The following CNTNAP5 variants were observed in gnomAD, a reference collection of about 807,000 sequenced individuals.
The protein encoded by CNTNAP5 is contactin-associated protein-like 5.
CNTNAP5 carries 72 observed loss-of-function variants against 150.2 expected under a neutral mutation model. The observed-to-expected ratio is 0.48, with a 90% CI of 0.40 to 0.58. The LOEUF (loss-of-function observed/expected upper bound fraction) is 0.58, where lower values mean the gene tolerates loss of function less well. CNTNAP5 is among the 20% of genes least tolerant of loss of function. The pLI is 0.00. For synonymous variants in CNTNAP5, 672 were observed against 619.8 expected (o/e 1.08, Z -1.25); for missense variants, 1,636 against 1,626.2 (o/e 1.01, Z -0.10).
intron 11 of CNTNAP5, among the ~76,000 whole-genome samples, chr2:124,601,731 C>T (rs1696990002): frequency 6.6e-6 from 1 of 152,082 alleles, no homozygotes; most frequent in Non-Finnish European, 1.5e-5. Context: ...AATACTACAA[C>T]TGAAATAGCT....
At chr2:124,350,736 G>GGTTATATATTT (rs1689857742) in intron 3 of CNTNAP5, among the ~76,000 whole-genome samples, 2 of 151,932 alleles carry the variant, frequency 1.3e-5, no homozygotes, top group South Asian at 4.2e-4. Flanking sequence ...GTATATGTAA[G>GGTTATATATTT]GTTATATATT....
chr2:124,395,201 T>C (rs1691215338), intron 3 of CNTNAP5, among the ~76,000 whole-genome samples: 1 of 152,090 alleles, frequency 6.6e-6, no homozygotes, highest in African/African-American at 2.4e-5. Flanking sequence ...ATAGTTATAA[T>C]ACAAAATAGA....
chr2:124,770,130 G>C (rs967840666), intron 16 of CNTNAP5, among the ~76,000 whole-genome samples: 1 of 152,256 alleles, frequency 6.6e-6, no homozygotes, highest in African/African-American at 2.4e-5. Flanking sequence ...GTATAAAACT[G>C]TAAAGGTATA....
chr2:124,191,067 C>T (rs935379243), intron 1 of CNTNAP5, among the ~76,000 whole-genome samples: 1 of 152,070 alleles, frequency 6.6e-6, no homozygotes, highest in African/African-American at 2.4e-5. Context: ...TAAATATATA[C>T]CTATGTTTTC....
At chr2:124,671,940 A>C (rs960696648) in intron 13 of CNTNAP5, among the ~76,000 whole-genome samples, 7 of 152,156 alleles carry the variant, frequency 4.6e-5, no homozygotes, top group Admixed American at 3.9e-4. Context: ...ATACCTCGCC[A>C]AGACTCTTTT....
intron 1 of CNTNAP5, among the ~76,000 whole-genome samples, chr2:124,053,343 C>T (rs189736045): frequency 3.0e-4 from 41 of 136,510 alleles, no homozygotes; most frequent in African/African-American, 1.0e-3. Flanking sequence ...ATTTGTTCTG[C>T]TTCCTTTTTC....
chr2:124,532,882 G>C (rs1416653960), intron 10 of CNTNAP5, among the ~76,000 whole-genome samples: 3 of 152,178 alleles, frequency 2.0e-5, no homozygotes, highest in Admixed American at 2.0e-4. Flanking sequence ...AATGTTCACT[G>C]TGTTAATTCC....
intron 3 of CNTNAP5, among the ~76,000 whole-genome samples, chr2:124,386,904 T>C (rs532857722): frequency 6.6e-6 from 1 of 152,128 alleles, no homozygotes; most frequent in South Asian, 2.1e-4. Context: ...CATTAAGTCA[T>C]AAGAGTGGAG....
At chr2:124,811,920 C>T (rs1214524408) in intron 19 of CNTNAP5, among the ~76,000 whole-genome samples, 1 of 132,536 alleles carries the variant, frequency 7.5e-6, no homozygotes, top group African/African-American at 2.9e-5. Flanking sequence ...CCAGCCTGGG[C>T]AAAAAGACCA....
At chr2:124,411,310 C>A (rs1251908744) in intron 3 of CNTNAP5, among the ~76,000 whole-genome samples, 2 of 152,108 alleles carry the variant, frequency 1.3e-5, no homozygotes, top group African/African-American at 4.8e-5. Context: ...CAAGGAGGAA[C>A]TGGTACCATT....
At chr2:124,069,050 T>G (rs1310936474) in intron 1 of CNTNAP5, among the ~76,000 whole-genome samples, 2 of 152,056 alleles carry the variant, frequency 1.3e-5, no homozygotes, top group Non-Finnish European at 2.9e-5. Context: ...GGTACCCAAG[T>G]CCAGGCCTAG....
intron 1 of CNTNAP5, among the ~76,000 whole-genome samples, chr2:124,026,403 T>G (rs10196297): frequency 0.018 from 2,707 of 152,290 alleles, 80 homozygotes; most frequent in African/African-American, 0.06. Flanking sequence ...GAGTATGCAC[T>G]AAGTGTACAC....
chr2:124,276,684 A>C (rs1687890470), intron 3 of CNTNAP5, among the ~76,000 whole-genome samples: 1 of 152,220 alleles, frequency 6.6e-6, no homozygotes, highest in South Asian at 2.1e-4. Context: ...TCATCTATAA[A>C]TCCTTTAACA....
In CNTNAP5 at chr2:124,601,747, C is replaced by T. The variant is rs181400807; in HGVS notation, c.1757-8054C>T. 1.2e-4 allele frequency among the ~76,000 whole-genome samples: 19 copies of T among 152,228 alleles called. No individual in the cohort carries two copies. In the East Asian group the frequency reaches 2.5e-3, roughly 20 times the overall value. ...ATACTACAACTGAAATAGCTTAAAA[C>T]GGAAACAACCCAAATGTTCTTCAGT... On this transcript the variant is annotated intron_variant, in intron 11 of 23. Coordinates refer to ENST00000682447, the MANE Select transcript of CNTNAP5 (RefSeq NM_001367498.1).
intron 13 of CNTNAP5, among the ~76,000 whole-genome samples, chr2:124,731,312 A>C (rs1309191709): frequency 6.6e-6 from 1 of 152,080 alleles, no homozygotes; most frequent in South Asian, 2.1e-4. Flanking sequence ...GTATTTATTT[A>C]AAAGGTTCTT....
In CNTNAP5 at chr2:124,223,590, C is replaced by T. The variant is rs552480006; in HGVS notation, c.187+1781C>T. Among the ~76,000 whole-genome samples the T allele has an allele frequency of 3.9e-5, 6 of 151,954 alleles. No individual in the cohort carries two copies. In the South Asian group the frequency reaches 1.0e-3, roughly 26 times the overall value. ...CCAGAGAAAGGAGTTGTCTCGATCC[C>T]ACCCAAATTGTGCAGCAGCAGAAAG... On this transcript the variant is annotated intron_variant, in intron 2 of 23. Coordinates refer to ENST00000682447, the MANE Select transcript of CNTNAP5 (RefSeq NM_001367498.1).
chr2:124,617,600 G>T (rs1232439259), intron 12 of CNTNAP5, among the ~76,000 whole-genome samples: 2 of 152,070 alleles, frequency 1.3e-5, no homozygotes, highest in Non-Finnish European at 2.9e-5. Flanking sequence ...CACCCTAATG[G>T]AGTGTGACTT....
intron 17 of CNTNAP5, among the ~76,000 whole-genome samples, chr2:124,786,175 T>C (rs986183256): frequency 3.3e-5 from 5 of 151,470 alleles, no homozygotes; most frequent in African/African-American, 1.2e-4. Context: ...GGCAGGAGGA[T>C]CGCTTGAACT....
chr2:124,288,364 CAATT>C (rs1348481434), intron 3 of CNTNAP5, among the ~76,000 whole-genome samples: 1 of 152,294 alleles, frequency 6.6e-6, no homozygotes, highest in African/African-American at 2.4e-5. Flanking sequence ...TCAAGTCAAT[CAATT>C]AGTCAACAGA....
Sources: gnomAD v4.1 joint callset for allele counts (sites outside exome capture counted in the v4.1 genomes callset) on GRCh38, gnomAD v4.1.1 for gene constraint, MANE v1.5 for transcripts, NCBI Gene and HGNC (gene_info 2026-07-23, HGNC 2026-07-21) for gene names.